The following WDR7 variants were observed in gnomAD, a reference collection of about 807,000 sequenced individuals.
WDR7 encodes the protein WD repeat-containing protein 7.
WDR7 carries 46 observed loss-of-function variants against 169.4 expected under a neutral mutation model. The observed-to-expected ratio is 0.27, with a 90% CI of 0.21 to 0.35. WDR7 has a LOEUF of 0.35. Ranked by LOEUF, WDR7 falls within the 10% of genes least tolerant of loss-of-function variation. The pLI is 1.00. For missense variants in WDR7, 1,534 were observed against 1,859.3 expected (o/e 0.83, Z 3.22); for synonymous variants, 612 against 666.8 (o/e 0.92, Z 1.27).
At chr18:56,985,967 C>A (rs1034124354) in intron 26 of WDR7, among the ~76,000 whole-genome samples, 4 of 152,016 alleles carry the variant, frequency 2.6e-5, no homozygotes, top group African/African-American at 9.7e-5. Context: ...TTGTGTTGGA[C>A]ATTTTTATAG....
At chr18:56,847,516 G>C (rs1158656512) in intron 20 of WDR7, among the ~76,000 whole-genome samples, 1 of 152,166 alleles carries the variant, frequency 6.6e-6, no homozygotes, top group Non-Finnish European at 1.5e-5. Flanking sequence ...TGCTAGAGAG[G>C]TTAGTGTGAC....
intron 19 of WDR7, among the ~76,000 whole-genome samples, chr18:56,815,398 AC>A (rs2044947755): frequency 6.6e-6 from 1 of 152,214 alleles, no homozygotes; most frequent in African/African-American, 2.4e-5. Context: ...TAAGGAAAAG[AC>A]ATTTGTGTGA....
intron 25 of WDR7, among the ~76,000 whole-genome samples, chr18:56,945,028 A>G (rs1044803081): frequency 6.6e-6 from 1 of 152,182 alleles, no homozygotes; most frequent in Non-Finnish European, 1.5e-5. Context: ...TTTAACCTGT[A>G]TGTATTTATC....
At chr18:56,798,843 A>T (rs568883655) in intron 19 of WDR7, among the ~76,000 whole-genome samples, 3 of 152,352 alleles carry the variant, frequency 2.0e-5, no homozygotes, top group Non-Finnish European at 4.4e-5. Flanking sequence ...AATTTCATTT[A>T]TAAACACTGC....
At chr18:57,015,213 A>AT (rs1227268980) in intron 26 of WDR7, among the ~76,000 whole-genome samples, 1 of 152,234 alleles carries the variant, frequency 6.6e-6, no homozygotes, top group Non-Finnish European at 1.5e-5. Flanking sequence ...TGGCAACACC[A>AT]TGTGATCTTA....
chr18:56,781,401 A>T, intron 18 of WDR7, 132 bp from the exon 19 acceptor site: 2 of 966,842 alleles, frequency 2.1e-6, no homozygotes, highest in East Asian at 3.2e-5. Context: ...TTCGGTTAAT[A>T]GTGTTTTTCA....
intron 25 of WDR7, among the ~76,000 whole-genome samples, chr18:56,956,326 GA>G (rs1205648557): frequency 6.6e-6 from 1 of 152,106 alleles, no homozygotes; most frequent in Admixed American, 6.6e-5. Flanking sequence ...TGATGTCTAT[GA>G]ACCTTTCAAA....
At chr18:56,705,515 A>C (rs2025929004) in intron 12 of WDR7, among the ~76,000 whole-genome samples, 1 of 152,172 alleles carries the variant, frequency 6.6e-6, no homozygotes, top group African/African-American at 2.4e-5. Context: ...TATTTATAAA[A>C]TCATAAATGA....
At chr18:56,896,571 T>C (rs138154695) in intron 21 of WDR7, among the ~76,000 whole-genome samples, 297 of 151,944 alleles carry the variant, frequency 2.0e-3, no homozygotes, top group African/African-American at 6.8e-3. Flanking sequence ...AGACCTAGCA[T>C]TGTAGATCAG....
chr18:56,776,321 A>G (rs1205913077), intron 16 of WDR7, among the ~76,000 whole-genome samples: 2 of 152,210 alleles, frequency 1.3e-5, no homozygotes, highest in African/African-American at 2.4e-5. Context: ...AAATGATCTT[A>G]GTGAATATTG....
chr18:56,772,060 C>CAAA (rs71169397), intron 16 of WDR7, among the ~76,000 whole-genome samples: 4 of 51,166 alleles, frequency 7.8e-5, no homozygotes, highest in African/African-American at 1.5e-4. Context: ...GACCCTGTCT[C>CAAA]AAAAAAAAAA....
chr18:56,729,120 A>G (rs527608980), intron 13 of WDR7, among the ~76,000 whole-genome samples: 120 of 152,328 alleles, frequency 7.9e-4, no homozygotes, highest in Non-Finnish European at 1.3e-3. Context: ...TTAGATATCA[A>G]TAAGGGAAAG....
chr18:56,801,309 C>G (rs1000490870), intron 19 of WDR7, among the ~76,000 whole-genome samples: 1 of 152,118 alleles, frequency 6.6e-6, no homozygotes, highest in African/African-American at 2.4e-5. Flanking sequence ...TTACATTAAC[C>G]AGTTTTTTGG....
intron 19 of WDR7, among the ~76,000 whole-genome samples, chr18:56,790,966 C>T (rs1214228530): frequency 6.6e-6 from 1 of 152,092 alleles, no homozygotes; most frequent in Admixed American, 6.5e-5. Context: ...TGTAACAGTA[C>T]TTAGTGTTTT....
intron 20 of WDR7, among the ~76,000 whole-genome samples, chr18:56,829,323 G>T (rs1482425202): frequency 6.6e-6 from 1 of 151,642 alleles, no homozygotes; most frequent in Non-Finnish European, 1.5e-5. Context: ...AAATAGGACT[G>T]TAACCCTCAG....
At chr18:56,860,626 A>C (rs2045790162) in intron 20 of WDR7, among the ~76,000 whole-genome samples, 1 of 152,236 alleles carries the variant, frequency 6.6e-6, no homozygotes, top group South Asian at 2.1e-4. Context: ...CTTGAAAATA[A>C]GTATCATGCA....
intron 21 of WDR7, among the ~76,000 whole-genome samples, chr18:56,891,719 T>C (rs2046266409): frequency 6.6e-6 from 1 of 152,160 alleles, no homozygotes; most frequent in Admixed American, 6.5e-5. Flanking sequence ...ATGCTGTTCT[T>C]TTCTGTAACA....
chr18:56,758,084 TC>T (rs1393356843), intron 15 of WDR7, among the ~76,000 whole-genome samples: 3 of 152,218 alleles, frequency 2.0e-5, no homozygotes, highest in Non-Finnish European at 4.4e-5. Flanking sequence ...TCAGAATTTT[TC>T]AATAGAGAAA....
intron 26 of WDR7, among the ~76,000 whole-genome samples, chr18:56,986,518 A>T (rs2047722546): frequency 6.6e-6 from 1 of 152,102 alleles, no homozygotes; most frequent in Admixed American, 6.6e-5. Flanking sequence ...AACCACTATA[A>T]AATAAGGATT....
Sources: allele counts gnomAD v4.1 joint callset (sites outside exome capture counted in the v4.1 genomes callset), GRCh38; gene constraint gnomAD v4.1.1; transcripts MANE v1.5; gene names NCBI Gene and HGNC (gene_info 2026-07-23, HGNC 2026-07-21).